The following PTPRD variants were observed in gnomAD, a reference collection of about 807,000 sequenced individuals.
The protein encoded by PTPRD is receptor-type tyrosine-protein phosphatase delta.
A neutral mutation model predicts 214.5 loss-of-function variants in PTPRD; 34 were observed. The observed-to-expected ratio is 0.16, with a 90% CI of 0.12 to 0.21. The LOEUF is 0.21. PTPRD is among the 10% of genes least tolerant of loss of function. PTPRD has a pLI of 1.00. For missense variants in PTPRD, 2,545 were observed against 2,398.7 expected, an observed-to-expected ratio of 1.06 and a Z score of -1.27; for synonymous variants, 1,128 against 845.7, an observed-to-expected ratio of 1.33 and a Z score of -5.79.
chr9:9,584,000 A>G (rs1418074606), intron 7 of PTPRD, among the ~76,000 whole-genome samples: 1 of 152,072 alleles, frequency 6.6e-6, no homozygotes. Context: ...GCAGAAGCTA[A>G]GTATACAGTG....
Position 10,039,098 on chromosome 9 carries a change from G to C in PTPRD, c.-544-5308C>G, listed in dbSNP as rs544327090. 2.6e-5 allele frequency among the ~76,000 whole-genome samples: 4 copies of C among 152,128 alleles called. No homozygotes were observed. The South Asian group carries it at 8.3e-4, about 32-fold the overall frequency. On this transcript the variant is annotated intron_variant, in intron 3 of 45. Transcript: ENST00000381196. ...GTACAGGCATGTACGTAGGTTTGTT[G>C]TTCACAAAACTCTTCCTATCCCTAT...
chr9:9,263,294 C>G (rs2099980932), intron 9 of PTPRD, among the ~76,000 whole-genome samples: 1 of 151,568 alleles, frequency 6.6e-6, no homozygotes, highest in Admixed American at 6.6e-5. Context: ...TTTTTGAATA[C>G]ATCTCCTATA....
intron 8 of PTPRD, among the ~76,000 whole-genome samples, chr9:9,506,665 G>C (rs758108169): frequency 6.6e-6 from 1 of 151,292 alleles, no homozygotes; most frequent in East Asian, 1.9e-4. Context: ...AATTTGAGAT[G>C]GCTTAGACTA....
chr9:9,404,108 A>T (rs2072150950), intron 8 of PTPRD, among the ~76,000 whole-genome samples: 1 of 152,104 alleles, frequency 6.6e-6, no homozygotes, highest in South Asian at 2.1e-4. Flanking sequence ...CAGAGTGGTA[A>T]AAAATACATT....
intron 10 of PTPRD, among the ~76,000 whole-genome samples, chr9:9,090,438 C>G (rs950045218): frequency 2.0e-5 from 3 of 152,104 alleles, no homozygotes; most frequent in African/African-American, 7.2e-5. Flanking sequence ...TTATTGTGAG[C>G]TGTGTGTCTT....
intron 7 of PTPRD, among the ~76,000 whole-genome samples, chr9:9,604,215 G>A (rs549990609): frequency 1.8e-4 from 27 of 151,882 alleles, no homozygotes; most frequent in Non-Finnish European, 3.1e-4. Flanking sequence ...CTATTTCATT[G>A]AAAACACATC....
intron 14 of PTPRD, among the ~76,000 whole-genome samples, chr9:8,605,535 T>G (rs965756865): frequency 1.3e-5 from 2 of 152,156 alleles, no homozygotes; most frequent in Admixed American, 6.5e-5. Flanking sequence ...AAAACAAACA[T>G]GGGTTTACTC....
intron 3 of PTPRD, among the ~76,000 whole-genome samples, chr9:10,043,664 A>G (rs1026519551): frequency 6.6e-6 from 1 of 151,862 alleles, no homozygotes; most frequent in Non-Finnish European, 1.5e-5. Flanking sequence ...ATGATGGTTC[A>G]CACCTAAAGA....
chr9:9,497,185 C>T (rs1327269244), intron 8 of PTPRD, among the ~76,000 whole-genome samples: 1 of 152,012 alleles, frequency 6.6e-6, no homozygotes, highest in Admixed American at 6.6e-5. Flanking sequence ...GATAGCTGCA[C>T]AACAATATGA....
chr9:9,970,824 G>C (rs1421700130), intron 4 of PTPRD, among the ~76,000 whole-genome samples: 1 of 152,144 alleles, frequency 6.6e-6, no homozygotes, highest in Non-Finnish European at 1.5e-5. Flanking sequence ...CCATGGCTTA[G>C]AGAAAAATAA....
At position 9,839,895 on chromosome 9, in the gene PTPRD, T is replaced by C. The variant is rs370571004; in HGVS notation, c.-367-73044A>G. 2.0e-5 allele frequency among the ~76,000 whole-genome samples: 3 copies of C among 152,066 alleles called. No individual in the cohort carries two copies. In the East Asian group the frequency reaches 5.8e-4, roughly 29 times the overall value. The stretch of plus-strand genomic sequence containing the variant: ...AATAAATCTAATATTTATTTAAACA[T>C]ATATTGATATGCATTTTTAAACACA... On this transcript the variant is annotated intron_variant, in intron 5 of 45. Transcript: ENST00000381196.
At chr9:9,983,599 C>A (rs566084626) in intron 4 of PTPRD, among the ~76,000 whole-genome samples, 6 of 152,234 alleles carry the variant, frequency 3.9e-5, no homozygotes, top group African/African-American at 1.4e-4. Context: ...CACATGGGAA[C>A]CAAAACGTAC....
intron 9 of PTPRD, among the ~76,000 whole-genome samples, chr9:9,388,030 C>G (rs7045879): frequency 0.48 from 73,378 of 151,752 alleles, 17,862 homozygotes; most frequent in East Asian, 0.54. Context: ...TCTTGCCTTG[C>G]TGTACTGGAA....
intron 14 of PTPRD, among the ~76,000 whole-genome samples, chr9:8,556,895 A>G (rs1593649600): frequency 1.3e-5 from 2 of 152,336 alleles, no homozygotes; most frequent in African/African-American, 4.8e-5. Flanking sequence ...AATTAGAAAG[A>G]CAAGCCAATA....
At position 9,176,974 on chromosome 9, in the gene PTPRD, T is replaced by C. The variant is rs574516110; in HGVS notation, c.-143+6330A>G. On this transcript the variant is annotated intron_variant, in intron 10 of 45. Coordinates refer to ENST00000381196, the MANE Select transcript of PTPRD (RefSeq NM_002839.4). ...CCTATGAGTATCTATCTATCTATCT[T>C]AGTAGTTTTTTCTGTCTGTATATCC... Among the ~76,000 whole-genome samples, 9 of 152,282 alleles carry C rather than the reference T, an allele frequency of 5.9e-5. No individual in the cohort carries two copies. The South Asian group carries it at 1.2e-3, about 21-fold the overall frequency.
chr9:9,008,203 C>CATTTT (rs1164663586), intron 11 of PTPRD, among the ~76,000 whole-genome samples: 3 of 32,658 alleles, frequency 9.2e-5, no homozygotes, highest in African/African-American at 2.2e-4. Context: ...TTCTCCCCTT[C>CATTTT]ATTTTATTTA....
chr9:9,253,292 A>T (rs937113109), intron 9 of PTPRD, among the ~76,000 whole-genome samples: 2 of 152,008 alleles, frequency 1.3e-5, no homozygotes, highest in Non-Finnish European at 2.9e-5. Flanking sequence ...TTCAATATAA[A>T]TTATTAATTG....
chr9:8,338,934 G>T lies in PTPRD; in HGVS notation c.5367C>A (p.Val1789=). Residue 1789 remains valine, a synonymous_variant, in exon 43 of 46, where the codon GTC becomes GTA. Coordinates refer to ENST00000381196, the MANE Select transcript of PTPRD (RefSeq NM_002839.4). ...MPQYILREFK[V]TDARDGQSRT... is the part of the protein sequence containing the mutation. Reference sequence around the variant, plus strand: ...TGTGCCAACTTACCCTGGCATCTGTGACCTTGAATTCCCTTAGGATATACT... The same window carrying T: ...TGTGCCAACTTACCCTGGCATCTGTTACCTTGAATTCCCTTAGGATATACT... 1.2e-6 allele frequency: 2 copies of T among 1,609,664 alleles called. No homozygotes were observed. Among genetic ancestry groups the T allele is most frequent in the South Asian group, 2.2e-5 (2 of 90,666 alleles).
intron 3 of PTPRD, among the ~76,000 whole-genome samples, chr9:10,227,950 G>T (rs765719171): frequency 3.6e-4 from 54 of 151,886 alleles, no homozygotes; most frequent in Non-Finnish European, 6.9e-4. Context: ...ACTCTTTCCA[G>T]TCATTCAGAA....
Sources: gnomAD v4.1 joint callset for allele counts (sites outside exome capture counted in the v4.1 genomes callset) on GRCh38, gnomAD v4.1.1 for gene constraint, MANE v1.5 for transcripts, NCBI Gene and HGNC (gene_info 2026-07-23, HGNC 2026-07-21) for gene names.